DST: variants seen among roughly 807,000 people sequenced by gnomAD.
DST encodes the protein bullous pemphigoid antigen.
In DST, 253 loss-of-function variants were observed where a neutral mutation model predicts 875.2. The observed-to-expected ratio is 0.29, with a 90% CI of 0.26 to 0.32. The LOEUF is 0.32. DST is among the 10% of genes least tolerant of loss of function. The pLI is 1.00. For missense variants in DST, 8,287 were observed against 9,111.6 expected, an observed-to-expected ratio of 0.91 and a Z score of 3.68; for synonymous variants, 3,124 against 3,197.1, an observed-to-expected ratio of 0.98 and a Z score of 0.77.
At chr6:56,905,350 C>A (rs1423818163) in intron 2 of DST, among the ~76,000 whole-genome samples, 1 of 152,150 alleles carries the variant, frequency 6.6e-6, no homozygotes, top group Non-Finnish European at 1.5e-5. Context: ...TATAGCAGAT[C>A]TTTAGAACTC....
chr6:56,734,331 T>C (rs574319012), intron 5 of DST, among the ~76,000 whole-genome samples: 14 of 152,310 alleles, frequency 9.2e-5, no homozygotes, highest in Admixed American at 7.2e-4. Context: ...GAAATAAAAA[T>C]CACTTTTATA....
intron 36 of DST, chr6:56,616,096 C>T: frequency 6.2e-7 from 1 of 1,614,156 alleles, no homozygotes; most frequent in East Asian, 2.2e-5. Flanking sequence ...AGATCCTTTC[C>T]CCACTAGCAG....
At position 56,607,734 on chromosome 6, in the gene DST, A is replaced by G; in HGVS notation, c.6894T>C (p.Cys2298=). The change falls in exon 40 of 104, where the codon TGT becomes TGC. Residue 2298 remains cysteine (C), a synonymous_variant. Coordinates refer to ENST00000680361, the MANE Select transcript of DST (RefSeq NM_001374736.1). The stretch of plus-strand genomic sequence containing the variant: ...TTTCATTAAATTCTTCATCTATAGC[A>G]CACTTTCTATTTTCAGGAGTCTCTT... ...EHEETPENRK[C]AIDEEFNEMR... The G allele has an allele frequency of 6.2e-7, 1 of 1,613,512 alleles. No homozygotes were observed. Among genetic ancestry groups the G allele is most frequent in the Non-Finnish European group, 8.5e-7 (1 of 1,179,702 alleles).
intron 4 of DST, among the ~76,000 whole-genome samples, chr6:56,847,901 G>T (rs2099808953): frequency 6.6e-6 from 1 of 151,964 alleles, no homozygotes; most frequent in Non-Finnish European, 1.5e-5. Flanking sequence ...ACTGATACAT[G>T]ATATTTTATA....
chr6:56,809,290 TC>T (rs1204640555), intron 4 of DST, among the ~76,000 whole-genome samples: 1 of 152,168 alleles, frequency 6.6e-6, no homozygotes. Flanking sequence ...AGGGAACAAA[TC>T]TCAACTGCCC....
chr6:56,716,918 A>G (rs558955461), intron 5 of DST, among the ~76,000 whole-genome samples: 63 of 152,284 alleles, frequency 4.1e-4, no homozygotes, highest in African/African-American at 1.4e-3. Context: ...GCGGTGGCTC[A>G]CGCCTGTAAT....
At chr6:56,814,324 T>C (rs541201016) in intron 4 of DST, among the ~76,000 whole-genome samples, 1 of 152,338 alleles carries the variant, frequency 6.6e-6, no homozygotes, top group Non-Finnish European at 1.5e-5. Flanking sequence ...TATGATGCTA[T>C]TGCTCACTAA....
chr6:56,483,309 G>A (rs1203299603), intron 88 of DST, among the ~76,000 whole-genome samples: 2 of 152,130 alleles, frequency 1.3e-5, no homozygotes, highest in East Asian at 3.9e-4. Flanking sequence ...TCTAAGAGAT[G>A]TATCTAAGAA....
chr6:56,841,403 G>T (rs2099799810), intron 4 of DST, among the ~76,000 whole-genome samples: 1 of 152,112 alleles, frequency 6.6e-6, no homozygotes, highest in African/African-American at 2.4e-5. Context: ...TTTCAGTGAC[G>T]TCTGAACAAT....
intron 4 of DST, among the ~76,000 whole-genome samples, chr6:56,782,896 T>G (rs1412934686): frequency 6.6e-6 from 1 of 152,354 alleles, no homozygotes; most frequent in South Asian, 2.1e-4. Context: ...CTGCTTTGAA[T>G]GTGTCCCAGA....
intron 4 of DST, among the ~76,000 whole-genome samples, chr6:56,782,543 T>G (rs1343448141): frequency 6.6e-6 from 1 of 152,018 alleles, no homozygotes; most frequent in African/African-American, 2.4e-5. Context: ...GATGGTAGTT[T>G]GTATTTCTGT....
chr6:56,662,862 T>C (rs1484073788), intron 10 of DST, among the ~76,000 whole-genome samples: 2 of 151,958 alleles, frequency 1.3e-5, no homozygotes, highest in Admixed American at 6.6e-5. Flanking sequence ...GGCAGGAGAA[T>C]TGCTTGAACC....
chr6:56,916,242 C>G (rs763579257), intron 2 of DST, among the ~76,000 whole-genome samples: 3 of 152,180 alleles, frequency 2.0e-5, no homozygotes, highest in Non-Finnish European at 4.4e-5. Context: ...TCAAGCACAG[C>G]AGGACCTGGA....
intron 9 of DST, among the ~76,000 whole-genome samples, chr6:56,685,139 C>T (rs1185593142): frequency 6.6e-6 from 1 of 152,058 alleles, no homozygotes; most frequent in Non-Finnish European, 1.5e-5. Flanking sequence ...AAATTGGTTC[C>T]AGACCTAAGT....
chr6:56,572,303 T>C, intron 52 of DST, 37 bp from the exon 53 acceptor site: 1 of 1,426,558 alleles, frequency 7.0e-7, no homozygotes, highest in East Asian at 2.4e-5. Context: ...ATATAAATGT[T>C]GCTAGATCTT....
intron 69 of DST, among the ~76,000 whole-genome samples, chr6:56,525,047 A>G (rs1049506363): frequency 3.9e-5 from 6 of 152,134 alleles, no homozygotes; most frequent in African/African-American, 9.7e-5. Flanking sequence ...ACCTTGGCAT[A>G]TATCAGAGAT....
At chr6:56,503,594 TACACACACACAC>T (rs10637850) in intron 78 of DST, among the ~76,000 whole-genome samples, 1 of 140,916 alleles carries the variant, frequency 7.1e-6, no homozygotes, top group African/African-American at 2.7e-5. Context: ...TACCTATACA[TACACACACACAC>T]ACACACACAC....
chr6:56,514,127 A>C (rs2096541795), intron 72 of DST, among the ~76,000 whole-genome samples: 1 of 152,206 alleles, frequency 6.6e-6, no homozygotes, highest in Admixed American at 6.5e-5. Flanking sequence ...AAAAAAACTC[A>C]ATTTTTAAAA....
At position 56,582,154 on chromosome 6, in the gene DST, C is replaced by T. The variant is rs2152650702; in HGVS notation, c.12904-3217G>A. ...CTCCAATCACTTCTCTAATATAGCT[C>T]CTAATGTGTTCTACCTAAAATATAC... is the stretch of plus-strand genomic sequence containing the variant. On this transcript the variant is annotated intron_variant, in intron 49 of 103. Transcript: ENST00000680361. Among the ~76,000 whole-genome samples, 4 of 152,248 alleles carry T rather than the reference C, an allele frequency of 2.6e-5. No homozygotes were observed. The Middle Eastern group carries it at 0.014, about 518-fold the overall frequency.
Sources: allele counts gnomAD v4.1 joint callset (sites outside exome capture counted in the v4.1 genomes callset), GRCh38; gene constraint gnomAD v4.1.1; transcripts MANE v1.5; gene names NCBI Gene and HGNC (gene_info 2026-07-23, HGNC 2026-07-21).